The following FAM180A variants were observed in gnomAD, a reference collection of about 807,000 sequenced individuals.
FAM180A encodes the protein protein FAM180A.
A neutral mutation model predicts 15.3 loss-of-function variants in FAM180A; 14 were observed. That is an observed-to-expected ratio of 0.92 (90% CI 0.61 to 1.43). The LOEUF is 1.43. Ranked by LOEUF, FAM180A falls within the 40% of genes most tolerant of loss-of-function variation. The pLI, the probability that FAM180A is intolerant of heterozygous loss-of-function variation, is 0.00. For synonymous variants in FAM180A, 90 were observed against 96.8 expected, an observed-to-expected ratio of 0.93 and a Z score of 0.41; for missense variants, 200 against 220.8, an observed-to-expected ratio of 0.91 and a Z score of 0.60.
At position 135,748,788 on chromosome 7, in the gene FAM180A, T is replaced by C. The variant is rs771853357; in HGVS notation, c.-208A>G. 3 of 566,444 alleles carry C rather than the reference T, an allele frequency of 5.3e-6. No individual in the cohort carries two copies. The highest frequency in any genetic ancestry group is 9.5e-6 in the Non-Finnish European group (3 of 316,684). 35.1% of individuals were successfully genotyped at this position (566,444 alleles called of 1,614,324 possible). A position where few individuals can be genotyped will look rare whatever the true frequency, so the allele number is the denominator to read the frequency against. ...GACAGGAGTCGGTACCTCTCTTCAT[T>C]TGACGCTCTCTGGGATTGGGGAACT... On this transcript the variant is annotated 5_prime_UTR_variant, in exon 1 of 4. Transcript: ENST00000338588.
At chr7:135,741,712 T>C (rs950431390) in intron 1 of FAM180A, among the ~76,000 whole-genome samples, 14 of 151,804 alleles carry the variant, frequency 9.2e-5, no homozygotes, top group Admixed American at 5.3e-4. Flanking sequence ...TGGTCCCAGC[T>C]ACTTGGGAGG....
intron 3 of FAM180A, among the ~76,000 whole-genome samples, chr7:135,732,564 G>A (rs576004015): frequency 3.9e-4 from 59 of 152,164 alleles, no homozygotes; most frequent in East Asian, 1.4e-3. Context: ...GTGGTGGTGC[G>A]CGCCTATAGT....
At chr7:135,732,249 C>T (rs73454448) in intron 3 of FAM180A, among the ~76,000 whole-genome samples, 1,763 of 152,268 alleles carry the variant, frequency 0.012, 29 homozygotes, top group African/African-American at 0.04. Flanking sequence ...AATGAGCAGT[C>T]TGGGACCTCT....
At chr7:135,747,738 G>A (rs899006134) in intron 1 of FAM180A, among the ~76,000 whole-genome samples, 23 of 152,188 alleles carry the variant, frequency 1.5e-4, no homozygotes, top group Admixed American at 9.8e-4. Flanking sequence ...ACTTTAGGCA[G>A]TGGAAAGATT....
chr7:135,741,292 A>G (rs1796946319), intron 1 of FAM180A, among the ~76,000 whole-genome samples: 1 of 152,208 alleles, frequency 6.6e-6, no homozygotes, highest in Non-Finnish European at 1.5e-5. Flanking sequence ...TTTGATGGAG[A>G]CTTAGAAATA....
Position 135,730,227 on chromosome 7 carries a change from G to A in FAM180A, c.*384C>T, listed in dbSNP as rs867802385. ...TGGAGATAGCTGTGAGGATGCCAAC[G>A]ATGGAGGAAACTTAGAAAGTTTTTA... is the stretch of plus-strand genomic sequence containing the variant. On this transcript the variant is annotated 3_prime_UTR_variant, in exon 4 of 4. Coordinates refer to ENST00000338588, the MANE Select transcript of FAM180A (RefSeq NM_205855.4). 8 of 985,270 alleles carry A rather than the reference G, an allele frequency of 8.1e-6. No homozygotes were observed. Among genetic ancestry groups the A allele is most frequent in the Admixed American group, 6.2e-5 (1 of 16,252 alleles). The allele number at this position is 985,270 out of a possible 1,614,324, so 61.0% of individuals were successfully genotyped here. A position where few individuals can be genotyped will look rare whatever the true frequency, so the allele number is the denominator to read the frequency against.
At chr7:135,743,415 C>T (rs1796985235) in intron 1 of FAM180A, among the ~76,000 whole-genome samples, 1 of 151,902 alleles carries the variant, frequency 6.6e-6, no homozygotes, top group Non-Finnish European at 1.5e-5. Flanking sequence ...GGGTTGTTTA[C>T]CATGTTGGCC....
At chr7:135,745,290 T>G (rs1418552822) in intron 1 of FAM180A, among the ~76,000 whole-genome samples, 2 of 152,188 alleles carry the variant, frequency 1.3e-5, no homozygotes, top group Non-Finnish European at 2.9e-5. Context: ...GCTGCTCTAT[T>G]AAACTACTTA....
At chr7:135,739,276 C>T (rs1387833503) in intron 1 of FAM180A, among the ~76,000 whole-genome samples, 2 of 140,672 alleles carry the variant, frequency 1.4e-5, no homozygotes, top group East Asian at 4.1e-4. Context: ...TGCCACACTG[C>T]ACTCCAGCCT....
Position 135,737,138 on chromosome 7 carries a change from G to A in FAM180A, c.138C>T (p.Val46=). Reference sequence around the variant, plus strand: ...CCACCTCCTCCAGGGAGGTCTGCAGGACTGGGTTCAATGGCAGTGATGAGG... The same window carrying A: ...CCACCTCCTCCAGGGAGGTCTGCAGAACTGGGTTCAATGGCAGTGATGAGG... The part of the protein sequence containing the change: ...KRSSSLPLNP[V]LQTSLEEVEL... Residue 46 remains valine (V), a synonymous_variant, in exon 2 of 4, where the codon GTC becomes GTT. Coordinates refer to ENST00000338588, the MANE Select transcript of FAM180A (RefSeq NM_205855.4). 4 of 1,613,380 alleles carry A rather than the reference G, an allele frequency of 2.5e-6. No individual in the cohort carries two copies. Among genetic ancestry groups the A allele is most frequent in the Non-Finnish European group, 3.4e-6 (4 of 1,179,764 alleles).
chr7:135,748,793 G>T lies in FAM180A; in HGVS notation c.-213C>A. 1 of 555,822 alleles carries T rather than the reference G, an allele frequency of 1.8e-6. No individual in the cohort carries two copies. Among genetic ancestry groups the T allele is most frequent in the Non-Finnish European group, 3.2e-6 (1 of 310,326 alleles). 34.4% of individuals were successfully genotyped at this position (555,822 alleles called of 1,614,324 possible). On this transcript the variant is annotated 5_prime_UTR_variant, in exon 1 of 4. Coordinates refer to ENST00000338588, the MANE Select transcript of FAM180A (RefSeq NM_205855.4). ...GAGTCGGTACCTCTCTTCATTTGACGCTCTCTGGGATTGGGGAACTGGCCT... is the reference window on the plus strand; with the variant it reads ...GAGTCGGTACCTCTCTTCATTTGACTCTCTCTGGGATTGGGGAACTGGCCT...
chr7:135,735,796 G>A (rs887166062), intron 2 of FAM180A, among the ~76,000 whole-genome samples: 1 of 152,042 alleles, frequency 6.6e-6, no homozygotes, highest in African/African-American at 2.4e-5. Flanking sequence ...TCCACCTCCC[G>A]GGTTCAAGTG....
At chr7:135,733,503 C>T (rs868655717) in intron 3 of FAM180A, 143 bp downstream of exon 3, 39 of 268,452 alleles carry the variant, frequency 1.5e-4, no homozygotes, top group African/African-American at 5.3e-4. Flanking sequence ...TGCGCCACCA[C>T]GTCCGGCTGA....
chr7:135,734,358 G>T, intron 2 of FAM180A, 39 bp from the exon 3 acceptor site: 5 of 1,325,286 alleles, frequency 3.8e-6, no homozygotes, highest in Admixed American at 2.0e-5. Context: ...ATGAAGTGAG[G>T]CATTGCTGAG....
At chr7:135,737,574 G>T (rs1395946281) in intron 1 of FAM180A, among the ~76,000 whole-genome samples, 3 of 129,220 alleles carry the variant, frequency 2.3e-5, no homozygotes, top group Non-Finnish European at 4.7e-5. Flanking sequence ...GCAACAGAGC[G>T]AGACTCCATG....
At position 135,733,767 on chromosome 7, in the gene FAM180A, C is replaced by A; in HGVS notation, c.*208G>T. 1 of 1,371,706 alleles carries A rather than the reference C, an allele frequency of 7.3e-7. No individual in the cohort carries two copies. Among genetic ancestry groups the A allele is most frequent in the Non-Finnish European group, 9.4e-7 (1 of 1,068,216 alleles). 85.0% of individuals were successfully genotyped at this position (1,371,706 alleles called of 1,614,324 possible). On this transcript the variant is annotated 3_prime_UTR_variant, in exon 3 of 4. Transcript: ENST00000338588. ...TGAATGACCATTCCAGCCCTTTCTT[C>A]CAGCCCAGGTCACATGATGGCATGA...
chr7:135,747,380 T>C (rs990165559), intron 1 of FAM180A, among the ~76,000 whole-genome samples: 1 of 152,118 alleles, frequency 6.6e-6, no homozygotes, highest in African/African-American at 2.4e-5. Context: ...AAGAATGCTG[T>C]ATTATTTGTT....
Position 135,729,871 on chromosome 7 carries a change from G to C in FAM180A, c.*740C>G. The C allele has an allele frequency of 1.4e-6, 1 of 706,278 alleles. No individual in the cohort carries two copies. The highest frequency in any genetic ancestry group is 1.7e-6 in the Non-Finnish European group (1 of 575,344). 43.8% of individuals were successfully genotyped at this position (706,278 alleles called of 1,614,324 possible). A position where few individuals can be genotyped will look rare whatever the true frequency, so the allele number is the denominator to read the frequency against. On this transcript the variant is annotated 3_prime_UTR_variant, in exon 4 of 4. Coordinates refer to ENST00000338588, the MANE Select transcript of FAM180A (RefSeq NM_205855.4). ...AGGCAGGGGGAAGGGGAAAAGAGGA[G>C]TTGTTCGGTGGGTATAGAACTTCAG...
At chr7:135,745,771 G>A (rs1180241271) in intron 1 of FAM180A, among the ~76,000 whole-genome samples, 1 of 152,024 alleles carries the variant, frequency 6.6e-6, no homozygotes. Context: ...ACGGGGTAGT[G>A]GTGGGGCTGG....
Sources: gnomAD v4.1 joint callset for allele counts (sites outside exome capture counted in the v4.1 genomes callset) on GRCh38, gnomAD v4.1.1 for gene constraint, MANE v1.5 for transcripts, NCBI Gene and HGNC (gene_info 2026-07-23, HGNC 2026-07-21) for gene names.